Variants in ACACB observed in about 807,000 individuals in gnomAD.
The protein encoded by ACACB is acetyl-CoA carboxylase 2.
In ACACB, 209 loss-of-function variants were observed where a neutral mutation model predicts 278.8. The ratio of observed to expected loss-of-function variants is 0.75; its 90% CI spans 0.67 to 0.84. The LOEUF is 0.84. Among genes scored for constraint, ACACB ranks in the 40% least tolerant of loss-of-function variants. ACACB has a pLI of 0.00. For synonymous variants in ACACB, 1,174 were observed against 1,285.6 expected (o/e 0.91, Z 1.86); for missense variants, 2,850 against 3,269.0 (o/e 0.87, Z 3.13).
chr12:109,240,793 G>A (rs2046774274), intron 35 of ACACB, among the ~76,000 whole-genome samples: 1 of 152,002 alleles, frequency 6.6e-6, no homozygotes, highest in East Asian at 1.9e-4. Flanking sequence ...GTATAACATA[G>A]CAGTACTAGT....
In ACACB at chr12:109,206,799, A is replaced by G. The variant is rs2045530614; in HGVS notation, c.3003A>G (p.Glu1001=). The change falls in exon 20 of 53, where the codon GAA becomes GAG. Residue 1001 remains glutamate (E), a synonymous_variant. Transcript: ENST00000338432. ...KLHQVFHSVL[E]NLTNVMSGFC... ...ACCAGGTCTTCCACAGCGTCCTGGA[A>G]AACCTCACCAACGTCATGAGTGGCT... The G allele has an allele frequency of 6.2e-7, 1 of 1,614,032 alleles. No individual in the cohort carries two copies. The highest frequency in any genetic ancestry group is 1.3e-5 in the African/African-American group (1 of 74,902).
rs761835144 is a variant in ACACB at position 109,139,498 on chromosome 12, G to A, written c.93G>A (p.Pro31=). ...KIWGKMTDSK[P]ITKSKSEANL... ...GGGGGAAAATGACGGACTCCAAGCC[G>A]ATCACCAAGAGTAAATCAGAAGCAA... The change falls in exon 2 of 53, where the codon CCG becomes CCA. Residue 31 remains proline (P), a synonymous_variant. Transcript: ENST00000338432. The A allele has an allele frequency of 1.5e-5, 25 of 1,613,926 alleles. No individual in the cohort carries two copies. The highest frequency in any genetic ancestry group is 1.5e-4 in the African/African-American group (11 of 74,856).
intron 14 of ACACB, 35 bp from the exon 15 acceptor site, chr12:109,191,812 G>T: frequency 6.2e-7 from 1 of 1,614,144 alleles, no homozygotes; most frequent in Non-Finnish European, 8.5e-7. Flanking sequence ...CGAGACCTCG[G>T]CTTCCTGAGG....
At position 109,210,075 on chromosome 12, in the gene ACACB, A is replaced by G. The variant is rs867611723; in HGVS notation, c.3249+722A>G. Among the ~76,000 whole-genome samples, 16 of 128,326 alleles carry G rather than the reference A, an allele frequency of 1.2e-4. 1 individual carries two copies. Among genetic ancestry groups the G allele is most frequent in the Non-Finnish European group, 1.3e-4 (8 of 60,044 alleles). 84.2% of individuals were successfully genotyped at this position (128,326 alleles called of 152,430 possible). A position where few individuals can be genotyped will look rare whatever the true frequency, so the allele number is the denominator to read the frequency against. The stretch of plus-strand genomic sequence containing the variant: ...TACACACACGTGTGTATATATGTGT[A>G]TATATGTATATATACACACATGTGT... On this transcript the variant is annotated intron_variant, in intron 21 of 52. Transcript: ENST00000338432.
intron 22 of ACACB, among the ~76,000 whole-genome samples, chr12:109,215,330 G>A (rs1172371678): frequency 6.6e-6 from 1 of 151,712 alleles, no homozygotes; most frequent in Non-Finnish European, 1.5e-5. Context: ...CCAAGTATAA[G>A]GCTTGGGATC....
At chr12:109,112,941 C>A (rs1048981473), upstream of ACACB, among the ~76,000 whole-genome samples, 2 of 152,170 alleles carry the variant, frequency 1.3e-5, no homozygotes, top group African/African-American at 4.8e-5. Flanking sequence ...GCAGAGAAAG[C>A]AGCCGTGGGC....
At position 109,149,141 on chromosome 12, in the gene ACACB, C is replaced by T. The variant is rs565712584; in HGVS notation, c.653+9083C>T. On this transcript the variant is annotated intron_variant, in intron 2 of 52. Coordinates refer to ENST00000338432, the MANE Select transcript of ACACB (RefSeq NM_001093.4). ...TAGATGTGGATGTGAAATCAGTCAA[C>T]GAACTGCTAGTATTAGTGTCACTGC... 2.0e-5 allele frequency among the ~76,000 whole-genome samples: 3 copies of T among 152,286 alleles called. No individual in the cohort carries two copies. The South Asian group carries it at 6.2e-4, about 32-fold the overall frequency.
At chr12:109,129,823 A>G in intron 1 of ACACB, among the ~76,000 whole-genome samples, 1 of 152,228 alleles carries the variant, frequency 6.6e-6, no homozygotes, top group East Asian at 1.9e-4. Flanking sequence ...CCTGACCAGG[A>G]CTGACAGGTG....
rs1282228253 is a variant in ACACB, at chr12:109,222,911, AG to A, written c.3792+1del. On this transcript the variant is annotated frameshift_variant and splice_region_variant, in exon 26 of 53. Transcript: ENST00000338432. LOFTEE classifies it high-confidence loss of function. Reference protein sequence around the residue: ...YGHQFCPENLKKLILSETTIF... With the variant: ...YGHQFCPENLXKLILSETTIF... ...CACCAGTTCTGCCCCGAGAACCTCAAGGTGAGCCCGTCTCCTTCCTTTCACC... is the reference window on the plus strand; with the variant it reads ...CACCAGTTCTGCCCCGAGAACCTCAAGTGAGCCCGTCTCCTTCCTTTCACC... 1.2e-6 allele frequency: 2 copies of A among 1,603,474 alleles called. No individual in the cohort carries two copies. Among genetic ancestry groups the A allele is most frequent in the East Asian group, 4.5e-5 (2 of 44,438 alleles).
chr12:109,160,825 G>A (rs967028571), intron 2 of ACACB, among the ~76,000 whole-genome samples: 1 of 152,226 alleles, frequency 6.6e-6, no homozygotes, highest in Non-Finnish European at 1.5e-5. Context: ...TAATGGGCTT[G>A]TGGCCTGCCT....
In ACACB at chr12:109,201,650, A is replaced by G. The variant is rs1265743635; in HGVS notation, c.2862A>G (p.Ala954=). 1 of 1,614,210 alleles carries G rather than the reference A, an allele frequency of 6.2e-7. No homozygotes were observed. The highest frequency in any genetic ancestry group is 1.1e-5 in the South Asian group (1 of 91,076). Residue 954 remains alanine, a synonymous_variant, in exon 19 of 53, where the codon GCA becomes GCG. Coordinates refer to ENST00000338432, the MANE Select transcript of ACACB (RefSeq NM_001093.4). The part of the protein sequence containing the change: ...YIKRPGAVLE[A]GCVVARLELD... ...AGCGTCCAGGTGCCGTGCTGGAAGC[A>G]GGCTGCGTGGTGGCCAGGCTGGAGC...
Position 109,216,867 on chromosome 12 carries a change from A to C in ACACB, c.3511A>C (p.Ile1171Leu). Residue 1171 changes from isoleucine to leucine, a missense_variant, in exon 24 of 53, where the codon ATC (isoleucine) becomes CTC (leucine). By Grantham distance (5) the Ile-to-Leu change is conservative. Transcript: ENST00000338432. ...KPDMSQVLDCIFSHAQVAKKN... is the reference protein window; with the variant it reads ...KPDMSQVLDCLFSHAQVAKKN... ...AGACATGTCCCAGGTGCTGGACTGC[A>C]TCTTCTCCCACGCACAGGTGGCCAA... 6.2e-7 allele frequency: 1 copy of C among 1,614,158 alleles called. No homozygotes were observed. Among genetic ancestry groups the C allele is most frequent in the South Asian group, 1.1e-5 (1 of 91,078 alleles).
intron 1 of ACACB, among the ~76,000 whole-genome samples, chr12:109,129,487 C>A (rs2042767523): frequency 6.6e-6 from 1 of 152,206 alleles, no homozygotes; most frequent in Non-Finnish European, 1.5e-5. Flanking sequence ...TCCTTTCTTC[C>A]CTTCTTCAAC....
At chr12:109,159,154 A>G (rs1565872917) in intron 2 of ACACB, among the ~76,000 whole-genome samples, 1 of 152,122 alleles carries the variant, frequency 6.6e-6, no homozygotes. Flanking sequence ...GGCTTGAGAA[A>G]TTTCCAAGGG....
intron 27 of ACACB, among the ~76,000 whole-genome samples, chr12:109,226,338 C>G (rs1014692014): frequency 6.6e-6 from 1 of 152,062 alleles, no homozygotes; most frequent in Admixed American, 6.6e-5. Flanking sequence ...CAGCACTGCT[C>G]TAAAGCAGGG....
At position 109,215,690 on chromosome 12, in the gene ACACB, G is replaced by A. The variant is rs962449838; in HGVS notation, c.3351-928G>A. Among the ~76,000 whole-genome samples, 36 of 152,224 alleles carry A rather than the reference G, an allele frequency of 2.4e-4. No homozygotes were observed. The Middle Eastern group carries it at 0.014, about 58-fold the overall frequency. ...TGAGGCAGGAGAATGGCGTGAACCCGGGAGGTGGAGCTTGCAGTGAGCCGA... is the reference window on the plus strand; with the variant it reads ...TGAGGCAGGAGAATGGCGTGAACCCAGGAGGTGGAGCTTGCAGTGAGCCGA... On this transcript the variant is annotated intron_variant, in intron 22 of 52. Coordinates refer to ENST00000338432, the MANE Select transcript of ACACB (RefSeq NM_001093.4).
rs925036567 is a variant in ACACB, at chr12:109,260,643, A to G, written c.6660A>G (p.Ala2220=). ...TINPLCIEMY[A]DKESRGGVLE... ...ACCCGCTGTGCATAGAAATGTATGC[A>G]GACAAAGAGAGCAGGTGGGTGTGTT... Residue 2220 remains alanine, a synonymous_variant, in exon 48 of 53, where the codon GCA becomes GCG. Coordinates refer to ENST00000338432, the MANE Select transcript of ACACB (RefSeq NM_001093.4). 3.8e-6 allele frequency: 6 copies of G among 1,580,424 alleles called. No individual in the cohort carries two copies. The highest frequency in any genetic ancestry group is 5.2e-6 in the Non-Finnish European group (6 of 1,164,104).
At chr12:109,179,406 CAA>C in intron 10 of ACACB, 109 bp downstream of exon 10, 1 of 1,187,048 alleles carries the variant, frequency 8.4e-7, no homozygotes, top group Non-Finnish European at 1.2e-6. Flanking sequence ...GGGTGCCTAA[CAA>C]GAGGGATGAG....
intron 12 of ACACB, among the ~76,000 whole-genome samples, chr12:109,186,776 A>G (rs1039951459): frequency 2.6e-5 from 4 of 152,086 alleles, no homozygotes; most frequent in African/African-American, 4.8e-5. Flanking sequence ...ACTCTGGTGG[A>G]CAAGCAAAAG....
Sources: allele counts gnomAD v4.1 joint callset (sites outside exome capture counted in the v4.1 genomes callset), GRCh38; gene constraint gnomAD v4.1.1; transcripts MANE v1.5; gene names NCBI Gene and HGNC (gene_info 2026-07-23, HGNC 2026-07-21).